Variants in LILRA5 observed in about 807,000 individuals in gnomAD.
LILRA5 encodes the protein leukocyte immunoglobulin like receptor A5.
Under a neutral mutation model 36.3 loss-of-function variants are expected in LILRA5, and 31 were observed. The ratio of observed to expected loss-of-function variants is 0.85; its 90% CI spans 0.64 to 1.15. The LOEUF is 1.15. Among genes scored for constraint, LILRA5 ranks in the 50% most tolerant of loss-of-function variants. LILRA5 has a pLI of 0.00. For synonymous variants in LILRA5, 144 were observed against 144.8 expected, an observed-to-expected ratio of 0.99 and a Z score of 0.04; for missense variants, 348 against 377.4, an observed-to-expected ratio of 0.92 and a Z score of 0.64.
At chr19:54,311,214 C>A in intron 5 of LILRA5, 200 bp downstream of exon 5, 1 of 1,425,042 alleles carries the variant, frequency 7.0e-7, no homozygotes, top group Non-Finnish European at 9.2e-7. Context: ...CCTCGGCCTC[C>A]CAAAGTGCTG....
chr19:54,311,963 G>A lies in LILRA5; in HGVS notation c.310C>T (p.Pro104Ser), dbSNP rs199597049. 81 of 1,614,180 alleles carry A rather than the reference G, an allele frequency of 5.0e-5. No individual in the cohort carries two copies. In the Admixed American group the frequency reaches 1.2e-3, roughly 24 times the overall value. Residue 104 changes from proline (P) to serine (S), a missense_variant, in exon 4 of 7, where the codon CCA becomes TCA. Coordinates refer to ENST00000432233, the MANE Select transcript of LILRA5 (RefSeq NM_021250.4). The stretch of plus-strand genomic sequence containing the variant: ...CCTGCATGGTGCTCTGTCATGGATG[G>A]GATGGAGAATCTGGCCTTGTTCTTG... ...EPKNKARFSIPSMTEHHAGRY... is the reference protein window; with the variant it reads ...EPKNKARFSISSMTEHHAGRY...
At chr19:54,308,387 AT>A (rs2080938589) in intron 5 of LILRA5, 1 of 88,892 alleles carries the variant, frequency 1.1e-5, no homozygotes, top group Admixed American at 1.2e-4. Flanking sequence ...ATATATATAT[AT>A]ATATATATAT....
chr19:54,312,841 T>A, intron 1 of LILRA5, 176 bp downstream of exon 1: 6 of 855,862 alleles, frequency 7.0e-6, no homozygotes, highest in Non-Finnish European at 1.1e-5. Flanking sequence ...CGGGCCACTG[T>A]CTGCCTGATT....
In LILRA5 at chr19:54,307,264, A is replaced by AAG; in HGVS notation, c.*148_*149insCT. 1 of 555,058 alleles carries AAG rather than the reference A, an allele frequency of 1.8e-6. No individual in the cohort carries two copies. Among genetic ancestry groups the AAG allele is most frequent in the African/African-American group, 2.0e-5 (1 of 50,262 alleles). 34.4% of individuals were successfully genotyped at this position (555,058 alleles called of 1,614,324 possible). On this transcript the variant is annotated 3_prime_UTR_variant, in exon 7 of 7. Transcript: ENST00000432233. The stretch of plus-strand genomic sequence containing the variant: ...TCTCAAAAAAAAAAAAAAAAAAAAA[A>AAG]AAGAAAGAAAAGAAAAGAAAGAAAA...
At chr19:54,311,241 C>T in intron 5 of LILRA5, 173 bp downstream of exon 5, 1 of 1,498,754 alleles carries the variant, frequency 6.7e-7, no homozygotes, top group Non-Finnish European at 8.9e-7. Flanking sequence ...CACGTGTGAG[C>T]CACTGTGCCC....
chr19:54,312,409 C>G (rs746016438), intron 2 of LILRA5, 39 bp from the exon 3 acceptor site: 3 of 1,614,204 alleles, frequency 1.9e-6, no homozygotes, highest in South Asian at 1.1e-5. Flanking sequence ...GCCTCTGAAG[C>G]CTGAGCAGGT....
intron 5 of LILRA5, 119 bp downstream of exon 5, chr19:54,311,295 A>T (rs1443663364): frequency 1.2e-6 from 2 of 1,604,198 alleles, no homozygotes; most frequent in South Asian, 1.1e-5. Context: ...TGTCCCTAGG[A>T]TTTCTGTGTT....
chr19:54,312,751 A>G (rs756864211), intron 1 of LILRA5, 130 bp from the exon 2 acceptor site: 107 of 961,830 alleles, frequency 1.1e-4, no homozygotes, highest in Non-Finnish European at 1.6e-4. Flanking sequence ...TCATTTCCCC[A>G]GGGCTGAAGT....
At chr19:54,309,555 G>A (rs959833420) in intron 5 of LILRA5, 15 of 152,056 alleles carry the variant, frequency 9.9e-5, no homozygotes, top group Admixed American at 9.8e-4. Context: ...TTTTAAATTA[G>A]ACTAAATGTA....
rs372076502 is a variant in LILRA5 at position 54,311,001 on chromosome 19, G to A, written c.712+413C>T. ...GACAGAGTCTCGCTCTGTCACCCAGGCTGGAGTGCAATGACACAGTCTCGG... is the reference window on the plus strand; with the variant it reads ...GACAGAGTCTCGCTCTGTCACCCAGACTGGAGTGCAATGACACAGTCTCGG... On this transcript the variant is annotated intron_variant, in intron 5 of 6. Coordinates refer to ENST00000432233, the MANE Select transcript of LILRA5 (RefSeq NM_021250.4). The A allele has an allele frequency of 2.4e-3, 590 of 246,222 alleles. 19 individuals are homozygous for A. In the South Asian group the frequency reaches 0.027, roughly 11 times the overall value. The allele number at this position is 246,222 out of a possible 1,614,324, so 15.3% of individuals were successfully genotyped here.
At chr19:54,312,985 C>G (rs769284444) in intron 1 of LILRA5, 32 bp downstream of exon 1, 3 of 1,614,066 alleles carry the variant, frequency 1.9e-6, no homozygotes, top group South Asian at 2.2e-5. Flanking sequence ...TCCTTCAGCC[C>G]GTCCATGAGC....
intron 5 of LILRA5, 181 bp downstream of exon 5, chr19:54,311,233 C>A: frequency 6.8e-7 from 1 of 1,480,272 alleles, no homozygotes; most frequent in Non-Finnish European, 9.0e-7. Flanking sequence ...TGAGATTACA[C>A]GTGTGAGCCA....
chr19:54,310,657 AG>A (rs2080990004), intron 5 of LILRA5: 3 of 255,188 alleles, frequency 1.2e-5, no homozygotes, highest in East Asian at 1.4e-4. Flanking sequence ...GTCAGAAATG[AG>A]GGGGCTTTGG....
intron 5 of LILRA5, chr19:54,308,335 G>GTGTGTGTGTGTA (rs1421820479): frequency 8.6e-5 from 5 of 57,874 alleles, no homozygotes; most frequent in South Asian, 9.2e-4. Context: ...GTGTGTGTGT[G>GTGTGTGTGTGTA]TATATATATG....
At chr19:54,312,823 C>A (rs2081051633) in intron 1 of LILRA5, 194 bp downstream of exon 1, 1 of 802,336 alleles carries the variant, frequency 1.2e-6, no homozygotes, top group Admixed American at 2.4e-5. Flanking sequence ...AGTGGGGTCT[C>A]CCTTCCCCGG....
At chr19:54,308,356 TA>T (rs1254911276) in intron 5 of LILRA5, 2 of 2,558 alleles carry the variant, frequency 7.8e-4, no homozygotes, top group Non-Finnish European at 1.5e-3. Flanking sequence ...TATATATAAA[TA>T]TATATATATA....
At chr19:54,312,740 C>A in intron 1 of LILRA5, 119 bp from the exon 2 acceptor site, 1 of 1,033,844 alleles carries the variant, frequency 9.7e-7, no homozygotes, top group Non-Finnish European at 1.4e-6. Context: ...GAGCCTGGCT[C>A]TCATTTCCCC....
intron 5 of LILRA5, chr19:54,308,016 G>T: frequency 2.1e-6 from 1 of 486,800 alleles, no homozygotes; most frequent in Non-Finnish European, 3.7e-6. Flanking sequence ...CTCAGGATCT[G>T]CAAGGAAAGT....
chr19:54,307,298 T>G lies in LILRA5; in HGVS notation c.*115A>C, dbSNP rs1048225800. ...AAAGAAAAGAAAGAAAAAAAGAAAT[T>G]GCCAGCAGACAGTCCAGATGGCATA... On this transcript the variant is annotated 3_prime_UTR_variant, in exon 7 of 7. Coordinates refer to ENST00000432233, the MANE Select transcript of LILRA5 (RefSeq NM_021250.4). The G allele has an allele frequency of 2.3e-6, 2 of 873,926 alleles. No homozygotes were observed. Among genetic ancestry groups the G allele is most frequent in the East Asian group, 6.0e-5 (2 of 33,608 alleles). The allele number at this position is 873,926 out of a possible 1,614,324, so 54.1% of individuals were successfully genotyped here.
Sources: gnomAD v4.1 joint callset for allele counts on GRCh38, gnomAD v4.1.1 for gene constraint, MANE v1.5 for transcripts, NCBI Gene and HGNC (gene_info 2026-07-23, HGNC 2026-07-21) for gene names.